SYNPR: variants seen among roughly 807,000 people sequenced by gnomAD.
SYNPR encodes the protein synaptoporin.
SYNPR carries 23 observed loss-of-function variants against 32.9 expected under a neutral mutation model. That is an observed-to-expected ratio of 0.70 (90% CI 0.50 to 0.99). The LOEUF (loss-of-function observed/expected upper bound fraction) is 0.99, where lower values mean the gene tolerates loss of function less well. Among genes scored for constraint, SYNPR ranks in the 50% least tolerant of loss-of-function variants. The probability of loss-of-function intolerance (pLI) is 0.00; values close to 1 mark genes in which losing one functional copy is unlikely to be tolerated. For synonymous variants in SYNPR, 146 were observed against 135.9 expected, an observed-to-expected ratio of 1.07 and a Z score of -0.52; for missense variants, 318 against 349.3, an observed-to-expected ratio of 0.91 and a Z score of 0.71.
the SYNPR span, among the ~76,000 whole-genome samples, chr3:63,201,346 G>GTGC: frequency 6.6e-6 from 1 of 152,118 alleles, no homozygotes; most frequent in Admixed American, 6.6e-5. Context: ...ATCTGTACTG[G>GTGC]TGCCATCTTT....
rs77645862 is a variant in SYNPR at position 63,462,679 on chromosome 3, G to C, written c.85-18153G>C. On this transcript the variant is annotated intron_variant, in intron 2 of 5. Coordinates refer to ENST00000478300, the MANE Select transcript of SYNPR (RefSeq NM_001130003.2). Reference sequence around the variant, plus strand: ...ATTGTACACTGATATAAAATGGGCTGAGATTTATCTCTTTGGAATGATGAT... The same window carrying C: ...ATTGTACACTGATATAAAATGGGCTCAGATTTATCTCTTTGGAATGATGAT... Among the ~76,000 whole-genome samples the C allele has an allele frequency of 8.4e-3, 1,274 of 152,258 alleles. 56 individuals carry two copies. In the East Asian group the frequency reaches 0.13, roughly 16 times the overall value.
chr3:63,526,479 A>C (rs1050212354), intron 3 of SYNPR, among the ~76,000 whole-genome samples: 13 of 152,178 alleles, frequency 8.5e-5, no homozygotes, highest in African/African-American at 3.1e-4. Flanking sequence ...TGTCTTGTTC[A>C]TACTGGATGC....
intron 2 of SYNPR, among the ~76,000 whole-genome samples, chr3:63,368,064 G>A (rs1302845839): frequency 6.6e-6 from 1 of 152,156 alleles, no homozygotes; most frequent in East Asian, 1.9e-4. Context: ...GATTTTGGCA[G>A]CAAGAAATTT....
chr3:63,519,156 G>A (rs11709738), intron 3 of SYNPR, among the ~76,000 whole-genome samples: 19,536 of 152,062 alleles, frequency 0.13, 1,585 homozygotes, highest in Non-Finnish European at 0.18. Context: ...TGCTGGATTC[G>A]GCCTGCTAGT....
the SYNPR span, among the ~76,000 whole-genome samples, chr3:63,206,975 A>G: frequency 6.6e-6 from 1 of 152,354 alleles, no homozygotes; most frequent in Non-Finnish European, 1.5e-5. Context: ...CTGCAGAAAC[A>G]GAACAGAATG....
At chr3:63,534,943 C>T (rs1392546382) in intron 3 of SYNPR, among the ~76,000 whole-genome samples, 3 of 152,086 alleles carry the variant, frequency 2.0e-5, no homozygotes, top group African/African-American at 4.8e-5. Context: ...ACCAGGCCCA[C>T]CTCCCAACAT....
In SYNPR at chr3:63,388,379, CTTTTTTTT is replaced by C. The variant is rs144044254; in HGVS notation, c.85-92434_85-92427del. 6.0e-5 allele frequency among the ~76,000 whole-genome samples: 5 copies of C among 83,596 alleles called. No individual in the cohort carries two copies. The South Asian group carries it at 2.1e-3, about 36-fold the overall frequency. 54.8% of individuals were successfully genotyped at this position (83,596 alleles called of 152,430 possible). A position where few individuals can be genotyped will look rare whatever the true frequency, so the allele number is the denominator to read the frequency against. The stretch of plus-strand genomic sequence containing the variant: ...CAAAACCCAAGTAAAGTTTGGAGCT[CTTTTTTTT>C]TTTTTTTTTTTTTTTTTTAAGACAG... On this transcript the variant is annotated intron_variant, in intron 2 of 5. Coordinates refer to ENST00000478300, the MANE Select transcript of SYNPR (RefSeq NM_001130003.2).
chr3:63,515,075 G>A (rs1701770096), intron 3 of SYNPR, among the ~76,000 whole-genome samples: 3 of 152,108 alleles, frequency 2.0e-5, no homozygotes, highest in Admixed American at 2.0e-4. Flanking sequence ...GATTCATGAT[G>A]TGGGGTTCTA....
intron 4 of SYNPR, among the ~76,000 whole-genome samples, chr3:63,562,508 A>G (rs1702707857): frequency 6.6e-6 from 1 of 152,196 alleles, no homozygotes; most frequent in Admixed American, 6.5e-5. Context: ...GGTTGACCCA[A>G]GGCAGTTTAT....
At chr3:63,379,660 T>C (rs551145121) in intron 2 of SYNPR, among the ~76,000 whole-genome samples, 12 of 152,152 alleles carry the variant, frequency 7.9e-5, no homozygotes, top group Admixed American at 3.3e-4. Flanking sequence ...TGATTACTGT[T>C]TGTATATCTT....
At chr3:63,208,080 A>T in the SYNPR span, among the ~76,000 whole-genome samples, 1 of 151,796 alleles carries the variant, frequency 6.6e-6, no homozygotes, top group Non-Finnish European at 1.5e-5. Flanking sequence ...CAGAGTCAAT[A>T]ACTTCCAGAA....
At chr3:63,524,842 T>TGC (rs1442172858) in intron 3 of SYNPR, among the ~76,000 whole-genome samples, 39 of 135,204 alleles carry the variant, frequency 2.9e-4, no homozygotes, top group East Asian at 2.0e-3. Flanking sequence ...TGTGTGTGTG[T>TGC]GTGTGTGTGC....
chr3:63,429,657 GATGGAAAACATTTTA>G (rs529921164), intron 2 of SYNPR, among the ~76,000 whole-genome samples: 2 of 152,212 alleles, frequency 1.3e-5, no homozygotes, highest in Non-Finnish European at 2.9e-5. Flanking sequence ...AAATAGAGTT[GATGGAAAACATTTTA>G]ACAGTTTTTT....
chr3:63,271,213 T>C (rs2086533652), intron 3 of SYNPR, among the ~76,000 whole-genome samples: 1 of 152,148 alleles, frequency 6.6e-6, no homozygotes, highest in South Asian at 2.1e-4. Flanking sequence ...AGGTATTGGA[T>C]TCATGCGTCT....
intron 3 of SYNPR, among the ~76,000 whole-genome samples, chr3:63,502,455 G>A (rs747561253): frequency 2.2e-4 from 34 of 152,004 alleles, no homozygotes; most frequent in Non-Finnish European, 3.8e-4. Flanking sequence ...TATGTTCTAC[G>A]GGTTTGAGTA....
chr3:63,563,730 A>C (rs928229369), intron 4 of SYNPR, among the ~76,000 whole-genome samples: 2 of 152,128 alleles, frequency 1.3e-5, no homozygotes, highest in Non-Finnish European at 2.9e-5. Flanking sequence ...GAGGAACATT[A>C]TTGAATCATT....
intron 3 of SYNPR, among the ~76,000 whole-genome samples, chr3:63,488,734 C>A (rs1283977448): frequency 6.6e-6 from 1 of 152,028 alleles, no homozygotes; most frequent in Non-Finnish European, 1.5e-5. Context: ...AAATTGGCAC[C>A]AGAATTCAGC....
At chr3:63,423,661 G>A (rs1381516691) in intron 2 of SYNPR, 3 of 152,208 alleles carry the variant, frequency 2.0e-5, no homozygotes, top group Non-Finnish European at 4.4e-5. Context: ...CATCTTCTTG[G>A]TTCCATGAGG....
At chr3:63,431,109 T>C (rs770737386) in intron 2 of SYNPR, among the ~76,000 whole-genome samples, 3 of 152,206 alleles carry the variant, frequency 2.0e-5, no homozygotes, top group Non-Finnish European at 4.4e-5. Flanking sequence ...TATTTCCTTA[T>C]CTGTATTTAA....
Sources: allele counts gnomAD v4.1 joint callset (sites outside exome capture counted in the v4.1 genomes callset), GRCh38; gene constraint gnomAD v4.1.1; transcripts MANE v1.5; gene names NCBI Gene and HGNC (gene_info 2026-07-23, HGNC 2026-07-21).